The following MALRD1 variants were observed in gnomAD, a reference collection of about 807,000 sequenced individuals.
MALRD1 encodes the protein MAM and LDL receptor class A domain containing 1.
Under a neutral mutation model 242.1 loss-of-function variants are expected in MALRD1, and 247 were observed. The observed-to-expected ratio is 1.02, with a 90% CI of 0.92 to 1.13. The LOEUF (loss-of-function observed/expected upper bound fraction) is 1.13. Ranked by LOEUF, MALRD1 falls within the 50% of genes most tolerant of loss-of-function variation. The probability of loss-of-function intolerance (pLI) is 0.00; values close to 1 mark genes in which losing one functional copy is unlikely to be tolerated. For missense variants in MALRD1, 2,989 were observed against 2,533.1 expected (o/e 1.18, Z -3.86); for synonymous variants, 995 against 866.6 (o/e 1.15, Z -2.60).
chr10:19,064,014 C>G (rs142914713), intron 1 of MALRD1, among the ~76,000 whole-genome samples: 1 of 151,692 alleles, frequency 6.6e-6, no homozygotes, highest in African/African-American at 2.4e-5. Context: ...AAGATCAAAA[C>G]TATGAGGAAT....
chr10:19,327,652 A>C lies in MALRD1; in HGVS notation c.3666A>C (p.Leu1222Phe), dbSNP rs1177908161. The part of the protein sequence containing the change: ...GAQWKRAEVF[L>F]GIRSHTQIVF... ...AGTGGAAGAGAGCAGAAGTGTTTTT[A>C]GGCATTCGTTCACATACACAGGTGT... The change falls in exon 23 of 40, where the codon TTA becomes TTC. Residue 1222 changes from leucine (L) to phenylalanine (F), a missense_variant. Physicochemically the swap from Leu to Phe is conservative, Grantham distance 22. Transcript: ENST00000454679. 1 of 1,549,600 alleles carries C rather than the reference A, an allele frequency of 6.5e-7. No individual in the cohort carries two copies. Among genetic ancestry groups the C allele is most frequent in the Admixed American group, 2.0e-5 (1 of 50,962 alleles).
chr10:19,651,355 G>A (rs1338376292), intron 36 of MALRD1, among the ~76,000 whole-genome samples: 1 of 151,780 alleles, frequency 6.6e-6, no homozygotes, highest in Non-Finnish European at 1.5e-5. Flanking sequence ...TAAAAACAAG[G>A]GATTGTTTCA....
intron 28 of MALRD1, among the ~76,000 whole-genome samples, chr10:19,409,494 G>T (rs1833182424): frequency 1.3e-5 from 2 of 152,046 alleles, no homozygotes; most frequent in South Asian, 4.1e-4. Flanking sequence ...ACATATTAGG[G>T]ATTGCAAAAA....
chr10:19,356,709 C>T (rs561397095), intron 26 of MALRD1, among the ~76,000 whole-genome samples: 1 of 152,224 alleles, frequency 6.6e-6, no homozygotes, highest in Admixed American at 6.5e-5. Flanking sequence ...AAAATCAGCA[C>T]TCTAGGGCAC....
At chr10:19,645,640 A>G (rs923369844) in intron 36 of MALRD1, among the ~76,000 whole-genome samples, 2 of 152,042 alleles carry the variant, frequency 1.3e-5, no homozygotes, top group Admixed American at 6.5e-5. Flanking sequence ...TAAAAACCAA[A>G]CACCACATAT....
intron 26 of MALRD1, among the ~76,000 whole-genome samples, chr10:19,376,219 C>T (rs1845586744): frequency 6.6e-6 from 1 of 152,192 alleles, no homozygotes; most frequent in Non-Finnish European, 1.5e-5. Flanking sequence ...TTTCCTTGCC[C>T]TCAGCGTCTT....
chr10:19,639,905 T>G (rs1840307707), intron 36 of MALRD1, among the ~76,000 whole-genome samples: 3 of 151,940 alleles, frequency 2.0e-5, no homozygotes, highest in African/African-American at 7.3e-5. Context: ...TTAGAAAATA[T>G]GGGATTTTGT....
Position 19,323,978 on chromosome 10 carries a change from C to T in MALRD1, c.3449C>T (p.Ala1150Val), listed in dbSNP as rs1357483139. 5 of 1,550,616 alleles carry T rather than the reference C, an allele frequency of 3.2e-6. No individual in the cohort carries two copies. The Admixed American group carries it at 7.8e-5, about 24-fold the overall frequency. ...ACCACTGATGGCTGGTACCTGTATG[C>T]TGACAGTTCTAATGGGAAATTTGGT... ...QNTTDGWYLY[A>V]DSSNGKFGDT... Residue 1150 changes from alanine (A) to valine (V), a missense_variant, in exon 22 of 40, where the codon GCT (alanine) becomes GTT (valine). Physicochemically the swap from Ala to Val is moderately conservative, Grantham distance 64. Coordinates refer to ENST00000454679, the MANE Select transcript of MALRD1 (RefSeq NM_001142308.3).
intron 4 of MALRD1, among the ~76,000 whole-genome samples, chr10:19,103,675 T>C (rs1214304766): frequency 6.6e-6 from 1 of 151,818 alleles, no homozygotes; most frequent in Non-Finnish European, 1.5e-5. Flanking sequence ...TGCGAAACAG[T>C]GTGAACACAT....
At chr10:19,161,885 G>T (rs1834436977) in intron 12 of MALRD1, among the ~76,000 whole-genome samples, 2 of 152,014 alleles carry the variant, frequency 1.3e-5, no homozygotes, top group Admixed American at 6.6e-5. Flanking sequence ...AAAATTAGCT[G>T]GGCGTGGTAG....
intron 36 of MALRD1, among the ~76,000 whole-genome samples, chr10:19,689,214 A>G (rs918377715): frequency 1.3e-5 from 2 of 151,950 alleles, no homozygotes; most frequent in African/African-American, 4.8e-5. Flanking sequence ...CACATACAAA[A>G]CTGATATATA....
intron 21 of MALRD1, among the ~76,000 whole-genome samples, chr10:19,284,249 CTTT>C (rs35891152): frequency 4.1e-5 from 6 of 147,914 alleles, no homozygotes; most frequent in Admixed American, 6.7e-5. Flanking sequence ...TACATACCAA[CTTT>C]TTTTTTTTTT....
At chr10:19,691,291 A>G (rs1842808564) in intron 36 of MALRD1, among the ~76,000 whole-genome samples, 2 of 152,254 alleles carry the variant, frequency 1.3e-5, no homozygotes, top group African/African-American at 4.8e-5. Flanking sequence ...ATAGGCCTCC[A>G]TGAACCTCCA....
At chr10:19,205,693 C>T (rs1836752334) in intron 17 of MALRD1, among the ~76,000 whole-genome samples, 1 of 151,900 alleles carries the variant, frequency 6.6e-6, no homozygotes, top group Admixed American at 6.6e-5. Context: ...TATCTAAAAA[C>T]CCTGAGATGT....
intron 8 of MALRD1, among the ~76,000 whole-genome samples, chr10:19,133,097 C>T (rs530122734): frequency 1.3e-5 from 2 of 151,992 alleles, no homozygotes; most frequent in Admixed American, 1.3e-4. Context: ...CACCACCACG[C>T]CTGGCTAATT....
chr10:19,176,924 G>C (rs1439164827), intron 14 of MALRD1, among the ~76,000 whole-genome samples: 2 of 151,918 alleles, frequency 1.3e-5, no homozygotes, highest in Non-Finnish European at 2.9e-5. Flanking sequence ...GCACATGTGT[G>C]TATGATTCTG....
intron 29 of MALRD1, among the ~76,000 whole-genome samples, chr10:19,471,821 T>C (rs10764032): frequency 0.86 from 130,611 of 151,568 alleles, 56,437 homozygotes; most frequent in East Asian, 1. Context: ...AGGGTTTTCT[T>C]TGTGGATTCT....
intron 29 of MALRD1, among the ~76,000 whole-genome samples, chr10:19,453,123 C>G (rs770133651): frequency 6.6e-6 from 1 of 152,038 alleles, no homozygotes; most frequent in African/African-American, 2.4e-5. Context: ...TGCTTTATTG[C>G]CCTGTATTAG....
chr10:19,144,106 G>A (rs1833643183), intron 10 of MALRD1, among the ~76,000 whole-genome samples: 1 of 152,156 alleles, frequency 6.6e-6, no homozygotes, highest in South Asian at 2.1e-4. Flanking sequence ...TGTGCAACAT[G>A]TTTTTATTAT....
Sources: allele counts gnomAD v4.1 joint callset (sites outside exome capture counted in the v4.1 genomes callset), GRCh38; gene constraint gnomAD v4.1.1; transcripts MANE v1.5; gene names NCBI Gene and HGNC (gene_info 2026-07-23, HGNC 2026-07-21).